INPP5D: variants seen among roughly 807,000 people sequenced by gnomAD.
INPP5D encodes inositol polyphosphate-5-phosphatase D.
In INPP5D, 33 loss-of-function variants were observed where a neutral mutation model predicts 122.9. That is an observed-to-expected ratio of 0.27 (90% CI 0.20 to 0.36). INPP5D has a LOEUF of 0.36. Ranked by LOEUF, INPP5D falls within the 10% of genes least tolerant of loss-of-function variation. INPP5D has a pLI of 1.00. For synonymous variants in INPP5D, 584 were observed against 576.2 expected (o/e 1.01, Z -0.19); for missense variants, 1,053 against 1,412.7 (o/e 0.75, Z 4.08).
chr2:233,073,589 G>A (rs566776414), intron 1 of INPP5D, among the ~76,000 whole-genome samples: 4 of 140,268 alleles, frequency 2.9e-5, no homozygotes, highest in Non-Finnish European at 6.0e-5. Flanking sequence ...GCAGTGAGCC[G>A]AGATCGAGCC....
Position 233,189,729 on chromosome 2 carries a change from G to A in INPP5D, c.2359-121G>A. On this transcript the variant is annotated intron_variant, in intron 21 of 26. Coordinates refer to ENST00000445964, the MANE Select transcript of INPP5D (RefSeq NM_001017915.3). The surrounding 1 kb of genome is among the most constrained non-coding windows in gnomAD (Gnocchi z 5.6). ...CCACCTGCTCTCTTGGGTATGGACA[G>A]CAGAGATTTAGATCTGATTACTAAG... 7.0e-7 allele frequency: 1 copy of A among 1,423,856 alleles called. No individual in the cohort carries two copies. Among genetic ancestry groups the A allele is most frequent in the Non-Finnish European group, 9.4e-7 (1 of 1,062,856 alleles). The allele number at this position is 1,423,856 out of a possible 1,614,324, so 88.2% of individuals were successfully genotyped here.
chr2:233,178,848 A>T (rs371997025), intron 18 of INPP5D, among the ~76,000 whole-genome samples: 103 of 152,284 alleles, frequency 6.8e-4, no homozygotes, highest in African/African-American at 2.4e-3. Context: ...TGGCCACCCC[A>T]GTCCTTGGAG....
intron 25 of INPP5D, among the ~76,000 whole-genome samples, chr2:233,199,848 G>A (rs1316845734): frequency 6.6e-6 from 1 of 150,878 alleles, no homozygotes; most frequent in African/African-American, 2.4e-5. Context: ...GAAAAAAAAT[G>A]TTTCTAGAGC....
Position 233,204,500 on chromosome 2 carries a change from C to T in INPP5D, c.3350C>T (p.Pro1117Leu), listed in dbSNP as rs989537746. The T allele has an allele frequency of 1.3e-6, 2 of 1,582,756 alleles. No homozygotes were observed. The highest frequency in any genetic ancestry group is 1.7e-6 in the Non-Finnish European group (2 of 1,165,730). Residue 1117 changes from proline (P) to leucine (L), a missense_variant, in exon 26 of 27, where the codon CCG becomes CTG. This residue lies in a region of INPP5D where 417 missense variants were observed against 425.8 expected (regional missense o/e 0.98). Coordinates refer to ENST00000445964, the MANE Select transcript of INPP5D (RefSeq NM_001017915.3). ...KTPVSSQAPV[P>L]AKRPIKPSRS... Reference sequence around the variant, plus strand: ...CCGGTCAGCTCCCAGGCCCCGGTGCCGGCCAAGAGGCCCATCAAGCCTTCC... The same window carrying T: ...CCGGTCAGCTCCCAGGCCCCGGTGCTGGCCAAGAGGCCCATCAAGCCTTCC...
rs1167877304 is a variant in INPP5D, at chr2:233,204,604, C to T, written c.3454C>T (p.His1152Tyr). The T allele has an allele frequency of 6.4e-7, 1 of 1,572,924 alleles. No homozygotes were observed. Among genetic ancestry groups the T allele is most frequent in the Admixed American group, 1.8e-5 (1 of 54,098 alleles). ...GCCAGTCAAGAGCCCGGCGGTGCTGCACCTCCAGCACTCCAAGGGCCGCGA... is the reference window on the plus strand; with the variant it reads ...GCCAGTCAAGAGCCCGGCGGTGCTGTACCTCCAGCACTCCAAGGGCCGCGA... ...PLPVKSPAVLHLQHSKGRDYR... is the reference protein window; with the variant it reads ...PLPVKSPAVLYLQHSKGRDYR... The change falls in exon 26 of 27, where the codon CAC (histidine) becomes TAC (tyrosine). Residue 1152 changes from histidine to tyrosine, a missense_variant. By Grantham distance (83) the His-to-Tyr change is moderately conservative. Coordinates refer to ENST00000445964, the MANE Select transcript of INPP5D (RefSeq NM_001017915.3).
At chr2:233,191,261 T>C (rs1695049270) in intron 22 of INPP5D, among the ~76,000 whole-genome samples, 1 of 152,100 alleles carries the variant, frequency 6.6e-6, no homozygotes, top group South Asian at 2.1e-4. Flanking sequence ...TATAAAACCA[T>C]CAGATCTCTT....
Position 233,164,536 on chromosome 2 carries a change from A to T in INPP5D, c.1555+112A>T. 7.3e-7 allele frequency: 1 copy of T among 1,371,772 alleles called. No individual in the cohort carries two copies. The highest frequency in any genetic ancestry group is 9.6e-7 in the Non-Finnish European group (1 of 1,046,126). 85.0% of individuals were successfully genotyped at this position (1,371,772 alleles called of 1,614,324 possible). A position where few individuals can be genotyped will look rare whatever the true frequency, so the allele number is the denominator to read the frequency against. ...CCGGGTTAAAAACAGAGAGCCTCACATCCTCAGATCCTGGCTCAGTCCTCA... is the reference window on the plus strand; with the variant it reads ...CCGGGTTAAAAACAGAGAGCCTCACTTCCTCAGATCCTGGCTCAGTCCTCA... On this transcript the variant is annotated intron_variant, in intron 13 of 26. Coordinates refer to ENST00000445964, the MANE Select transcript of INPP5D (RefSeq NM_001017915.3). This position sits in a 1 kb window ranked among gnomAD's most constrained non-coding sequence, Gnocchi z 4.3.
Position 233,087,233 on chromosome 2 carries a change from C to T in INPP5D, c.198+7835C>T, listed in dbSNP as rs554653868. Among the ~76,000 whole-genome samples, 3 of 152,184 alleles carry T rather than the reference C, an allele frequency of 2.0e-5. No homozygotes were observed. The South Asian group carries it at 6.2e-4, about 31-fold the overall frequency. ...CTTGATCACCCCAGAAAAATAGTCACCCCACCCTTCACCTGTTGCTCTTTA... is the reference window on the plus strand; with the variant it reads ...CTTGATCACCCCAGAAAAATAGTCATCCCACCCTTCACCTGTTGCTCTTTA... On this transcript the variant is annotated intron_variant, in intron 2 of 26. Coordinates refer to ENST00000445964, the MANE Select transcript of INPP5D (RefSeq NM_001017915.3).
In INPP5D at chr2:233,159,693, C is replaced by CA. The variant is rs548439384; in HGVS notation, c.1137+1294dup. On this transcript the variant is annotated intron_variant, in intron 10 of 26. Transcript: ENST00000445964. The stretch of plus-strand genomic sequence containing the variant: ...TAGATGACAGAGCAAGATCCTGTCT[C>CA]AAAAAAAAAAAAAAAAAAAAGATTG... Among the ~76,000 whole-genome samples the CA allele has an allele frequency of 3.2e-3, 291 of 91,998 alleles. 12 individuals are homozygous for CA. Among genetic ancestry groups the CA allele is most frequent in the African/African-American group, 7.3e-3 (158 of 21,716 alleles). The allele number at this position is 91,998 out of a possible 152,430, so 60.4% of individuals were successfully genotyped here.
chr2:233,183,931 T>C lies in INPP5D; in HGVS notation c.2162-477T>C, dbSNP rs1459963002. On this transcript the variant is annotated intron_variant, in intron 19 of 26. Coordinates refer to ENST00000445964, the MANE Select transcript of INPP5D (RefSeq NM_001017915.3). This position sits in a 1 kb window ranked among gnomAD's most constrained non-coding sequence, Gnocchi z 4.6. ...CTAAATTAATACAGTTGCAGGCAAGTTAACTCTGTACAAATGAGCTTATGG... is the reference window on the plus strand; with the variant it reads ...CTAAATTAATACAGTTGCAGGCAAGCTAACTCTGTACAAATGAGCTTATGG... Among the ~76,000 whole-genome samples the C allele has an allele frequency of 6.6e-6, 1 of 152,208 alleles. No homozygotes were observed. Among genetic ancestry groups the C allele is most frequent in the East Asian group, 1.9e-4 (1 of 5,202 alleles).
intron 10 of INPP5D, 41 bp from the exon 11 acceptor site, chr2:233,161,683 G>A (rs766438873): frequency 1.7e-5 from 27 of 1,582,536 alleles, no homozygotes; most frequent in East Asian, 4.6e-5. Context: ...TGTGCAGGGA[G>A]GCAGAGGCCT....
intron 6 of INPP5D, chr2:233,145,960 A>G: frequency 1.4e-6 from 1 of 696,642 alleles, no homozygotes; most frequent in Non-Finnish European, 2.6e-6. Context: ...AGAAGAAATG[A>G]AGATCTATTT....
chr2:233,070,299 CA>C (rs1691341856), intron 1 of INPP5D, among the ~76,000 whole-genome samples: 3 of 152,066 alleles, frequency 2.0e-5, no homozygotes, highest in Admixed American at 6.6e-5. Flanking sequence ...TGAAGTCTCT[CA>C]GTCTTTTCCT....
chr2:233,100,586 C>A lies in INPP5D; in HGVS notation c.198+21188C>A, dbSNP rs1692282841. Among the ~76,000 whole-genome samples, 1 of 151,784 alleles carries A rather than the reference C, an allele frequency of 6.6e-6. No homozygotes were observed. Among genetic ancestry groups the A allele is most frequent in the African/African-American group, 2.4e-5 (1 of 41,082 alleles). On this transcript the variant is annotated intron_variant, in intron 2 of 26. Transcript: ENST00000445964. The surrounding 1 kb of genome is among the most constrained non-coding windows in gnomAD (Gnocchi z 5.3). ...AGCATCCCCCATGGACTCATGGGCA[C>A]CCCCGGTTGAGCTCGCTCACCCAGA... is the stretch of plus-strand genomic sequence containing the variant.
chr2:233,087,137 T>C (rs1691874766), intron 2 of INPP5D, among the ~76,000 whole-genome samples: 1 of 152,094 alleles, frequency 6.6e-6, no homozygotes, highest in African/African-American at 2.4e-5. Context: ...CGGGTCTAAT[T>C]GTGTCTGTCA....
chr2:233,088,724 T>G (rs1691915137), intron 2 of INPP5D, among the ~76,000 whole-genome samples: 2 of 152,304 alleles, frequency 1.3e-5, no homozygotes, highest in Non-Finnish European at 1.5e-5. Context: ...GACACCAACA[T>G]GGGGTCACCG....
chr2:233,184,608 C>T (rs1305540745), intron 20 of INPP5D, 87 bp downstream of exon 20: 1 of 1,524,608 alleles, frequency 6.6e-7, no homozygotes, highest in Admixed American at 2.0e-5. Flanking sequence ...TGCCCCATAT[C>T]TTCTCTCCCT....
At chr2:233,091,257 A>T (rs1187245271) in intron 2 of INPP5D, among the ~76,000 whole-genome samples, 1 of 151,944 alleles carries the variant, frequency 6.6e-6, no homozygotes, top group Non-Finnish European at 1.5e-5. Flanking sequence ...TCCTTATAGC[A>T]CTCCTGTTTT....
In INPP5D at chr2:233,194,537, G is replaced by T. The variant is rs991891896; in HGVS notation, c.2596+576G>T. On this transcript the variant is annotated intron_variant, in intron 23 of 26. Transcript: ENST00000445964. ...TTTTGGGACAGAGTCTCACTCTGTGGCTCAGGCTGGAGTGCAGTGGCACGA... is the reference window on the plus strand; with the variant it reads ...TTTTGGGACAGAGTCTCACTCTGTGTCTCAGGCTGGAGTGCAGTGGCACGA... Among the ~76,000 whole-genome samples the T allele has an allele frequency of 6.3e-5, 9 of 142,262 alleles. No homozygotes were observed. The East Asian group carries it at 1.9e-3, about 30-fold the overall frequency. 93.3% of individuals were successfully genotyped at this position (142,262 alleles called of 152,430 possible).
Sources: gnomAD v4.1 joint callset for allele counts (sites outside exome capture counted in the v4.1 genomes callset) on GRCh38, gnomAD v4.1.1 for gene constraint, gnomAD v4.1.1 regional missense constraint, Gnocchi (gnomAD v3.1) non-coding constraint, MANE v1.5 for transcripts, NCBI Gene and HGNC (gene_info 2026-07-23, HGNC 2026-07-21) for gene names.